Variants in SYN3 observed in about 807,000 individuals in gnomAD.
SYN3 encodes the protein synapsin III.
A neutral mutation model predicts 65.8 loss-of-function variants in SYN3; 35 were observed. That is an observed-to-expected ratio of 0.53 (90% CI 0.41 to 0.70). SYN3 has a LOEUF of 0.70. SYN3 is among the 30% of genes least tolerant of loss of function. SYN3 has a pLI of 0.00. For synonymous variants in SYN3, 270 were observed against 292.9 expected (o/e 0.92, Z 0.80); for missense variants, 680 against 749.0 (o/e 0.91, Z 1.08).
chr22:32,899,672 G>A (rs1391805487), intron 4 of SYN3, among the ~76,000 whole-genome samples: 1 of 152,226 alleles, frequency 6.6e-6, no homozygotes, highest in Non-Finnish European at 1.5e-5. Flanking sequence ...AATAAGGCCT[G>A]GAGTTAAAAT....
intron 1 of SYN3, among the ~76,000 whole-genome samples, chr22:33,053,761 C>A (rs1157030704): frequency 6.6e-6 from 1 of 152,112 alleles, no homozygotes; most frequent in Non-Finnish European, 1.5e-5. Flanking sequence ...GATAGATGCC[C>A]CTGCTCTGTG....
At chr22:32,899,172 G>A (rs1034721898) in intron 4 of SYN3, among the ~76,000 whole-genome samples, 4 of 143,738 alleles carry the variant, frequency 2.8e-5, no homozygotes, top group African/African-American at 7.5e-5. Context: ...ATTAACCAAG[G>A]TAAGTTATGG....
At chr22:32,647,000 A>T (rs755741900) in intron 6 of SYN3, among the ~76,000 whole-genome samples, 16 of 152,204 alleles carry the variant, frequency 1.1e-4, no homozygotes, top group Non-Finnish European at 1.8e-4. Context: ...GTTGCTGGGA[A>T]CCAAGTGAAA....
intron 6 of SYN3, among the ~76,000 whole-genome samples, chr22:32,665,025 A>G (rs2060271474): frequency 1.1e-5 from 1 of 92,342 alleles, no homozygotes; most frequent in Non-Finnish European, 2.0e-5. Context: ...TTTGGGGCAG[A>G]GCCTGTTCTG....
At chr22:33,048,253 TTTCA>T (rs974417974) in intron 1 of SYN3, among the ~76,000 whole-genome samples, 1 of 152,040 alleles carries the variant, frequency 6.6e-6, no homozygotes, top group African/African-American at 2.4e-5. Context: ...CTCATTTAAT[TTTCA>T]TTATTGTTAA....
In SYN3 at chr22:33,048,403, A is replaced by T. The variant is rs559869051; in HGVS notation, c.-163+9889T>A. Among the ~76,000 whole-genome samples, 90 of 152,306 alleles carry T rather than the reference A, an allele frequency of 5.9e-4. No individual in the cohort carries two copies. In the Middle Eastern group the frequency reaches 0.014, roughly 23 times the overall value. On this transcript the variant is annotated intron_variant, in intron 1 of 13. Coordinates refer to ENST00000358763, the MANE Select transcript of SYN3 (RefSeq NM_003490.4). ...GTGTGAAAATCATGTGTAGCTAAAA[A>T]TACCCTCAAAAATATTTTTGAAATG...
intron 6 of SYN3, among the ~76,000 whole-genome samples, chr22:32,771,769 T>C (rs2045778610): frequency 1.3e-5 from 2 of 152,230 alleles, no homozygotes; most frequent in Non-Finnish European, 2.9e-5. Flanking sequence ...AGATTACCCG[T>C]GAGTCTCTGT....
chr22:32,970,483 A>G (rs960899824), intron 3 of SYN3, among the ~76,000 whole-genome samples: 13 of 140,152 alleles, frequency 9.3e-5, no homozygotes, highest in Admixed American at 8.0e-4. Flanking sequence ...CTCTATTTGG[A>G]AAAAAAAAAA....
At chr22:32,809,675 T>C (rs2046859667) in intron 6 of SYN3, among the ~76,000 whole-genome samples, 1 of 152,248 alleles carries the variant, frequency 6.6e-6, no homozygotes, top group South Asian at 2.1e-4. Flanking sequence ...TAGCCAGTCA[T>C]TATTCTGACA....
chr22:32,657,945 G>C (rs1031254518), intron 6 of SYN3, among the ~76,000 whole-genome samples: 5 of 152,342 alleles, frequency 3.3e-5, no homozygotes, highest in African/African-American at 9.6e-5. Context: ...TCCTAGGACA[G>C]TGTTTGCATC....
intron 6 of SYN3, among the ~76,000 whole-genome samples, chr22:32,640,986 C>T (rs1316220279): frequency 6.6e-6 from 1 of 152,188 alleles, no homozygotes; most frequent in Non-Finnish European, 1.5e-5. Context: ...CTCTGGTTTG[C>T]TACGTAGCTT....
intron 6 of SYN3, among the ~76,000 whole-genome samples, chr22:32,828,069 C>T (rs187988701): frequency 2.0e-5 from 3 of 152,314 alleles, no homozygotes; most frequent in African/African-American, 7.2e-5. Context: ...TACTTAGGCA[C>T]CAGGAGAGTA....
At chr22:32,921,211 A>G (rs137550) in intron 4 of SYN3, among the ~76,000 whole-genome samples, 110,944 of 152,096 alleles carry the variant, frequency 0.73, 41,494 homozygotes, top group Non-Finnish European at 0.82. Context: ...TCCCTGGAAC[A>G]TAGTAGGTCC....
intron 7 of SYN3, among the ~76,000 whole-genome samples, chr22:32,571,252 T>G (rs984745482): frequency 1.3e-5 from 2 of 151,996 alleles, no homozygotes; most frequent in African/African-American, 4.8e-5. Context: ...TCCATTTCTC[T>G]CCTCCTTTGA....
chr22:32,798,613 T>C (rs1042706564), intron 6 of SYN3, among the ~76,000 whole-genome samples: 4 of 152,160 alleles, frequency 2.6e-5, no homozygotes, highest in Admixed American at 2.6e-4. Context: ...ACTTACTCAG[T>C]TCTTCCCAGA....
At chr22:32,712,573 C>A (rs1393199947) in intron 6 of SYN3, among the ~76,000 whole-genome samples, 4 of 152,080 alleles carry the variant, frequency 2.6e-5, no homozygotes, top group Admixed American at 1.3e-4. Flanking sequence ...CTCACAAGAC[C>A]ATGTGATTTG....
intron 6 of SYN3, among the ~76,000 whole-genome samples, chr22:32,748,663 C>G (rs542564307): frequency 3.2e-4 from 48 of 152,302 alleles, no homozygotes; most frequent in Non-Finnish European, 5.6e-4. Flanking sequence ...GAGCTGTTTG[C>G]TAAGTGCCCT....
chr22:32,651,722 C>T (rs748885721), intron 6 of SYN3, among the ~76,000 whole-genome samples: 9 of 152,192 alleles, frequency 5.9e-5, no homozygotes, highest in Non-Finnish European at 1.0e-4. Flanking sequence ...GCTTCCCAAA[C>T]TGCTACTGAT....
In SYN3 at chr22:32,903,326, T is replaced by C. The variant is rs183091570; in HGVS notation, c.461+28064A>G. 2.1e-4 allele frequency among the ~76,000 whole-genome samples: 32 copies of C among 152,350 alleles called. No individual in the cohort carries two copies. In the East Asian group the frequency reaches 6.2e-3, roughly 29 times the overall value. Reference sequence around the variant, plus strand: ...TATGTAAGTGCAAGCTGTTATGACCTGTGAGGTGATCTTTGTTTTACACAT... The same window carrying C: ...TATGTAAGTGCAAGCTGTTATGACCCGTGAGGTGATCTTTGTTTTACACAT... On this transcript the variant is annotated intron_variant, in intron 4 of 13. Transcript: ENST00000358763.
Sources: gnomAD v4.1 joint callset for allele counts (sites outside exome capture counted in the v4.1 genomes callset) on GRCh38, gnomAD v4.1.1 for gene constraint, MANE v1.5 for transcripts, NCBI Gene and HGNC (gene_info 2026-07-23, HGNC 2026-07-21) for gene names.